Variants in SARNP observed in about 807,000 individuals in gnomAD.
SARNP encodes SAP domain-containing ribonucleoprotein.
Under a neutral mutation model 38.1 loss-of-function variants are expected in SARNP, and 5 were observed. The ratio of observed to expected loss-of-function variants is 0.13; its 90% confidence interval spans 0.07 to 0.28. The LOEUF is 0.28. Ranked by LOEUF, SARNP falls within the 10% of genes least tolerant of loss-of-function variation. The pLI, the probability that SARNP is intolerant of heterozygous loss-of-function variation, is 1.00. For missense variants in SARNP, 180 were observed against 243.9 expected (o/e 0.74, Z 1.75); for synonymous variants, 84 against 80.6 (o/e 1.04, Z -0.23).
intron 10 of SARNP, among the ~76,000 whole-genome samples, chr12:55,758,712 G>T (rs1054013444): frequency 3.3e-5 from 5 of 151,880 alleles, no homozygotes; most frequent in African/African-American, 1.2e-4. Context: ...GTAAGTTCTT[G>T]CCAGATATGG....
Position 55,817,649 on chromosome 12 carries a change from TC to T in SARNP, c.36+16del, listed in dbSNP as rs777002879. ...TCCTAGAAAAGTCCAACTCAGCCCT[TC>T]CCCGATTCACGGTACCTTTAGCTTA... is the stretch of plus-strand genomic sequence containing the variant. On this transcript the variant is annotated intron_variant, in intron 1 of 10. Coordinates refer to ENST00000336133, the MANE Select transcript of SARNP (RefSeq NM_033082.4). The T allele has an allele frequency of 5.0e-6, 8 of 1,609,866 alleles. No individual in the cohort carries two copies. In the South Asian group the frequency reaches 8.8e-5, roughly 18 times the overall value.
intron 9 of SARNP, chr12:55,761,945 A>C (rs1332889062): frequency 2.0e-5 from 3 of 152,234 alleles, no homozygotes; most frequent in African/African-American, 7.2e-5. Flanking sequence ...AGAGCAGGAC[A>C]GTTTCTTTGA....
chr12:55,786,732 A>G (rs1434549757), intron 9 of SARNP, among the ~76,000 whole-genome samples: 7 of 152,104 alleles, frequency 4.6e-5, no homozygotes, highest in Admixed American at 4.6e-4. Context: ...TACAGGAGTG[A>G]GCCACCGTGC....
At chr12:55,776,169 G>GT (rs966208682) in intron 9 of SARNP, among the ~76,000 whole-genome samples, 2 of 152,126 alleles carry the variant, frequency 1.3e-5, no homozygotes, top group African/African-American at 4.8e-5. Context: ...ATAAGGCTAG[G>GT]TGCAGTGGCT....
At chr12:55,807,440 C>T (rs748706111) in intron 1 of SARNP, among the ~76,000 whole-genome samples, 1 of 151,792 alleles carries the variant, frequency 6.6e-6, no homozygotes, top group Non-Finnish European at 1.5e-5. Context: ...GAGGCCAAGG[C>T]GGGAGGATTG....
intron 9 of SARNP, among the ~76,000 whole-genome samples, chr12:55,771,748 G>A (rs985428632): frequency 3.9e-5 from 6 of 152,118 alleles, no homozygotes; most frequent in African/African-American, 1.4e-4. Flanking sequence ...TAGTTCTCAG[G>A]CCAGTCTGAT....
At chr12:55,803,477 C>T (rs1880044419) in intron 2 of SARNP, 152 bp downstream of exon 2, 1 of 515,220 alleles carries the variant, frequency 1.9e-6, no homozygotes, top group East Asian at 3.1e-5. Flanking sequence ...GAGCAAGACT[C>T]CATCTCAAAA....
intron 9 of SARNP, among the ~76,000 whole-genome samples, chr12:55,775,640 A>T (rs1356056857): frequency 1.3e-5 from 2 of 151,656 alleles, no homozygotes; most frequent in Non-Finnish European, 2.9e-5. Flanking sequence ...TTAACAAGGG[A>T]CTTCATATTA....
chr12:55,761,159 G>C (rs1040722206), intron 9 of SARNP, among the ~76,000 whole-genome samples: 1 of 151,426 alleles, frequency 6.6e-6, no homozygotes, highest in African/African-American at 2.4e-5. Flanking sequence ...CTGGGTGACA[G>C]AGTGAGACTC....
chr12:55,777,049 C>T (rs1304881990), intron 9 of SARNP, among the ~76,000 whole-genome samples: 1 of 152,162 alleles, frequency 6.6e-6, no homozygotes, highest in African/African-American at 2.4e-5. Flanking sequence ...TCAGTTCTGA[C>T]ACGTTAGACG....
chr12:55,776,854 C>T (rs1426841557), intron 9 of SARNP, among the ~76,000 whole-genome samples: 1 of 152,198 alleles, frequency 6.6e-6, no homozygotes, highest in Non-Finnish European at 1.5e-5. Flanking sequence ...ATAAGCCCAT[C>T]TCAAGAACCA....
At chr12:55,810,518 T>G (rs1328965791) in intron 1 of SARNP, among the ~76,000 whole-genome samples, 1 of 150,992 alleles carries the variant, frequency 6.6e-6, no homozygotes, top group Non-Finnish European at 1.5e-5. Context: ...AGTGGCACAA[T>G]CTCGGCTCAC....
chr12:55,760,311 AG>A (rs1303689446), intron 10 of SARNP: 2 of 503,594 alleles, frequency 4.0e-6, no homozygotes, highest in African/African-American at 3.9e-5. Flanking sequence ...GACCAGCCTG[AG>A]CAACAGAATG....
At chr12:55,773,665 G>A (rs1164507033) in intron 9 of SARNP, among the ~76,000 whole-genome samples, 1 of 152,180 alleles carries the variant, frequency 6.6e-6, no homozygotes, top group Non-Finnish European at 1.5e-5. Flanking sequence ...TGACACAAAG[G>A]AAAAGGAGTA....
chr12:55,786,663 C>A (rs373020112), intron 9 of SARNP, among the ~76,000 whole-genome samples: 10 of 151,992 alleles, frequency 6.6e-5, no homozygotes, highest in African/African-American at 1.9e-4. Context: ...CTTGGCCAGG[C>A]TGGTCTTGAA....
intron 1 of SARNP, among the ~76,000 whole-genome samples, chr12:55,814,345 C>T (rs934693949): frequency 6.6e-6 from 1 of 152,212 alleles, no homozygotes; most frequent in Non-Finnish European, 1.5e-5. Context: ...TTCAATATCA[C>T]TCTGATTTAC....
At chr12:55,763,870 C>T (rs184391082) in intron 9 of SARNP, among the ~76,000 whole-genome samples, 9 of 152,254 alleles carry the variant, frequency 5.9e-5, no homozygotes, top group Non-Finnish European at 1.0e-4. Flanking sequence ...ACAAATAATA[C>T]GAGGATTGGA....
In SARNP at chr12:55,791,814, A is replaced by T. The variant is rs538870462; in HGVS notation, c.407-1222T>A. Among the ~76,000 whole-genome samples the T allele has an allele frequency of 8.2e-4, 125 of 152,320 alleles. 1 individual carries two copies. Among genetic ancestry groups the T allele is most frequent in the Non-Finnish European group, 1.6e-3 (110 of 68,038 alleles). ...AATTATTTACTTCAAACTTTTCAGG[A>T]TTTCATTCAAAAAAACAGTGCTTGC... is the stretch of plus-strand genomic sequence containing the variant. On this transcript the variant is annotated intron_variant, in intron 7 of 10. Coordinates refer to ENST00000336133, the MANE Select transcript of SARNP (RefSeq NM_033082.4).
At chr12:55,780,411 G>A (rs1879309928) in intron 9 of SARNP, among the ~76,000 whole-genome samples, 1 of 151,878 alleles carries the variant, frequency 6.6e-6, no homozygotes, top group Non-Finnish European at 1.5e-5. Context: ...CTCAGATTGC[G>A]CCACTGCATT....
Sources: allele counts gnomAD v4.1 joint callset (sites outside exome capture counted in the v4.1 genomes callset), GRCh38; gene constraint gnomAD v4.1.1; transcripts MANE v1.5; gene names NCBI Gene and HGNC (gene_info 2026-07-23, HGNC 2026-07-21).